Variants in ZNF385B observed in about 807,000 individuals in gnomAD.
ZNF385B encodes zinc finger protein 533.
A neutral mutation model predicts 39.2 loss-of-function variants in ZNF385B; 23 were observed. The observed-to-expected ratio is 0.59, with a 90% CI of 0.42 to 0.83. ZNF385B has a LOEUF of 0.83. Ranked by LOEUF, ZNF385B falls within the 40% of genes least tolerant of loss-of-function variation. ZNF385B has a pLI of 0.00. For missense variants in ZNF385B, 552 were observed against 598.9 expected, an observed-to-expected ratio of 0.92 and a Z score of 0.82; for synonymous variants, 205 against 222.6, an observed-to-expected ratio of 0.92 and a Z score of 0.70.
intron 1 of ZNF385B, among the ~76,000 whole-genome samples, chr2:179,839,884 C>G (rs1708454271): frequency 6.6e-6 from 1 of 152,184 alleles, no homozygotes; most frequent in African/African-American, 2.4e-5. Flanking sequence ...ATGTGGTGCC[C>G]TTCCAGGGAG....
At chr2:179,721,760 T>G (rs572687561) in intron 3 of ZNF385B, among the ~76,000 whole-genome samples, 1 of 152,172 alleles carries the variant, frequency 6.6e-6, no homozygotes, top group East Asian at 1.9e-4. Flanking sequence ...TCATACCTAT[T>G]GATGAAACTT....
chr2:179,623,032 A>G (rs1181316368), intron 3 of ZNF385B, among the ~76,000 whole-genome samples: 1 of 152,208 alleles, frequency 6.6e-6, no homozygotes, highest in African/African-American at 2.4e-5. Context: ...GAATAAATTT[A>G]ATGTCAAAAC....
At chr2:179,635,938 T>G (rs1192116399) in intron 3 of ZNF385B, among the ~76,000 whole-genome samples, 1 of 152,178 alleles carries the variant, frequency 6.6e-6, no homozygotes, top group East Asian at 1.9e-4. Context: ...ATCAGAAATT[T>G]TATCCTATAA....
At chr2:179,566,914 C>CTTTTTTTTT (rs372093398) in intron 3 of ZNF385B, among the ~76,000 whole-genome samples, 1 of 131,626 alleles carries the variant, frequency 7.6e-6, no homozygotes, top group Non-Finnish European at 1.6e-5. Flanking sequence ...CTTTTCTTTT[C>CTTTTTTTTT]TTTTTTTTTT....
chr2:179,604,259 T>C (rs1688626634), intron 3 of ZNF385B, among the ~76,000 whole-genome samples: 1 of 152,000 alleles, frequency 6.6e-6, no homozygotes, highest in Non-Finnish European at 1.5e-5. Flanking sequence ...ATTTAAAAGC[T>C]GACTGGAAAA....
At chr2:179,798,310 C>T (rs1302872384) in intron 1 of ZNF385B, among the ~76,000 whole-genome samples, 1 of 151,964 alleles carries the variant, frequency 6.6e-6, no homozygotes, top group Non-Finnish European at 1.5e-5. Context: ...CAAGGACACC[C>T]CATTCCTCAG....
chr2:179,618,103 C>T (rs1689910986), intron 3 of ZNF385B, among the ~76,000 whole-genome samples: 1 of 152,110 alleles, frequency 6.6e-6, no homozygotes, highest in African/African-American at 2.4e-5. Context: ...AATTTTTCCT[C>T]CCTGTTTCAG....
intron 3 of ZNF385B, among the ~76,000 whole-genome samples, chr2:179,732,906 T>C (rs1701486435): frequency 6.6e-6 from 1 of 152,218 alleles, no homozygotes; most frequent in Admixed American, 6.5e-5. Context: ...CATTCTTCCT[T>C]TATTTTTTAA....
chr2:179,667,372 C>T (rs1695300785), intron 3 of ZNF385B, among the ~76,000 whole-genome samples: 2 of 152,256 alleles, frequency 1.3e-5, no homozygotes, highest in South Asian at 2.1e-4. Flanking sequence ...GCATGTGCTG[C>T]AACTTTTACC....
chr2:179,800,941 T>C (rs1207362570), intron 1 of ZNF385B, among the ~76,000 whole-genome samples: 1 of 152,152 alleles, frequency 6.6e-6, no homozygotes, highest in Non-Finnish European at 1.5e-5. Flanking sequence ...CAGTGGTTCC[T>C]TGATTTCATC....
chr2:179,642,147 T>A (rs1692321601), intron 3 of ZNF385B, among the ~76,000 whole-genome samples: 1 of 152,174 alleles, frequency 6.6e-6, no homozygotes, highest in Non-Finnish European at 1.5e-5. Flanking sequence ...GGTATACTTA[T>A]AAGCCACACA....
intron 3 of ZNF385B, among the ~76,000 whole-genome samples, chr2:179,760,225 T>C (rs357685): frequency 0.53 from 60,161 of 112,784 alleles, 12,081 homozygotes; most frequent in African/African-American, 0.6. Flanking sequence ...CCTGTGTGCG[T>C]GTGTGTGTGT....
At chr2:179,648,039 G>A (rs188116700) in intron 3 of ZNF385B, among the ~76,000 whole-genome samples, 1 of 152,154 alleles carries the variant, frequency 6.6e-6, no homozygotes, top group Non-Finnish European at 1.5e-5. Context: ...CCAGCATGGG[G>A]AGTCAGGGCC....
At chr2:179,640,278 T>C (rs1350442471) in intron 3 of ZNF385B, among the ~76,000 whole-genome samples, 2 of 152,180 alleles carry the variant, frequency 1.3e-5, no homozygotes, top group African/African-American at 4.8e-5. Context: ...ACTCTATCAC[T>C]ACTACTTTAT....
At chr2:179,590,273 T>C (rs1252522333) in intron 3 of ZNF385B, among the ~76,000 whole-genome samples, 1 of 152,148 alleles carries the variant, frequency 6.6e-6, no homozygotes, top group East Asian at 1.9e-4. Flanking sequence ...GTGAACCTCT[T>C]TGTGTCTCTG....
At chr2:179,472,234 T>C (rs1465910597) in intron 6 of ZNF385B, among the ~76,000 whole-genome samples, 2 of 152,230 alleles carry the variant, frequency 1.3e-5, no homozygotes, top group African/African-American at 2.4e-5. Context: ...AAAACTTCTA[T>C]TGGATATTAA....
chr2:179,716,262 T>G (rs1285684635), intron 3 of ZNF385B, among the ~76,000 whole-genome samples: 1 of 152,232 alleles, frequency 6.6e-6, no homozygotes, highest in African/African-American at 2.4e-5. Flanking sequence ...ATTCTCATTT[T>G]GGCTTAAATA....
At chr2:179,664,593 T>C (rs939628959) in intron 3 of ZNF385B, among the ~76,000 whole-genome samples, 33 of 152,176 alleles carry the variant, frequency 2.2e-4, no homozygotes, top group African/African-American at 8.0e-4. Context: ...CATTACATTA[T>C]GTATAATCAC....
At chr2:179,751,368 A>G (rs1702664119) in intron 3 of ZNF385B, among the ~76,000 whole-genome samples, 1 of 152,126 alleles carries the variant, frequency 6.6e-6, no homozygotes, top group African/African-American at 2.4e-5. Flanking sequence ...TCATACTTTC[A>G]ATATACTCAT....
Sources: allele counts gnomAD v4.1 joint callset (sites outside exome capture counted in the v4.1 genomes callset), GRCh38; gene constraint gnomAD v4.1.1; transcripts MANE v1.5; gene names NCBI Gene and HGNC (gene_info 2026-07-23, HGNC 2026-07-21).